Variants in KLHL12 observed in about 807,000 individuals in gnomAD.
KLHL12 encodes the protein kelch-like protein 12.
Under a neutral mutation model 60.8 loss-of-function variants are expected in KLHL12, and 17 were observed. The observed-to-expected ratio is 0.28, with a 90% CI of 0.19 to 0.42. The LOEUF is 0.42. Ranked by LOEUF, KLHL12 falls within the 10% of genes least tolerant of loss-of-function variation. The pLI is 1.00. For missense variants in KLHL12, 468 were observed against 722.3 expected (o/e 0.65, Z 4.04); for synonymous variants, 220 against 250.9 (o/e 0.88, Z 1.16).
chr1:202,912,630 C>A lies in KLHL12; in HGVS notation c.568-1427G>T. 1.5e-6 allele frequency: 2 copies of A among 1,344,336 alleles called. 1 individual carries two copies. Among genetic ancestry groups the A allele is most frequent in the South Asian group, 2.3e-5 (2 of 85,956 alleles). 83.3% of individuals were successfully genotyped at this position (1,344,336 alleles called of 1,614,324 possible). On this transcript the variant is annotated intron_variant, in intron 4 of 11. Coordinates refer to ENST00000367261, the MANE Select transcript of KLHL12 (RefSeq NM_021633.4). ...AACTTTGGAGGCAGAAGCTCTGGGC[C>A]CCTATGGCGGTGGAGGCCAATACTC...
chr1:202,900,994 C>T (rs888752797), intron 6 of KLHL12, among the ~76,000 whole-genome samples: 5 of 151,702 alleles, frequency 3.3e-5, no homozygotes, highest in African/African-American at 1.2e-4. Context: ...TGCAGTGAGC[C>T]GAGATCATGC....
At chr1:202,921,330 A>G (rs943537366) in intron 2 of KLHL12, among the ~76,000 whole-genome samples, 2 of 152,020 alleles carry the variant, frequency 1.3e-5, no homozygotes, top group Non-Finnish European at 2.9e-5. Flanking sequence ...ACATGCCACC[A>G]TGCCTGGCTA....
At chr1:202,899,394 A>G (rs1293288761) in intron 6 of KLHL12, among the ~76,000 whole-genome samples, 1 of 152,058 alleles carries the variant, frequency 6.6e-6, no homozygotes, top group Non-Finnish European at 1.5e-5. Flanking sequence ...TATGTTTGAG[A>G]TTTTTCTTAA....
At chr1:202,923,807 C>T (rs1004447714) in intron 2 of KLHL12, among the ~76,000 whole-genome samples, 3 of 151,198 alleles carry the variant, frequency 2.0e-5, no homozygotes, top group Admixed American at 6.6e-5. Context: ...ACAGAATACG[C>T]CTCTCCCATT....
At chr1:202,919,304 G>A (rs1255253060) in intron 3 of KLHL12, among the ~76,000 whole-genome samples, 2 of 152,110 alleles carry the variant, frequency 1.3e-5, no homozygotes, top group African/African-American at 2.4e-5. Flanking sequence ...CAAACCACCT[G>A]TAATCCTGTG....
rs1659795698 is a variant in KLHL12, at chr1:202,895,222, T to C, written c.1135+300A>G. On this transcript the variant is annotated intron_variant, in intron 8 of 11. Coordinates refer to ENST00000367261, the MANE Select transcript of KLHL12 (RefSeq NM_021633.4). This position sits in a 1 kb window ranked among gnomAD's most constrained non-coding sequence, Gnocchi z 4.2. ...GCCTGGGCAACATGGCGAAACCCCATCTCTACTAAAAATACAAAAATATAG... is the reference window on the plus strand; with the variant it reads ...GCCTGGGCAACATGGCGAAACCCCACCTCTACTAAAAATACAAAAATATAG... Among the ~76,000 whole-genome samples, 1 of 151,958 alleles carries C rather than the reference T, an allele frequency of 6.6e-6. No individual in the cohort carries two copies. Among genetic ancestry groups the C allele is most frequent in the African/African-American group, 2.4e-5 (1 of 41,346 alleles).
chr1:202,903,629 C>CTTTTTTTTTT (rs1220119536), intron 6 of KLHL12, among the ~76,000 whole-genome samples: 5 of 76,088 alleles, frequency 6.6e-5, no homozygotes, highest in Admixed American at 2.1e-4. Context: ...TTTTTCTTTT[C>CTTTTTTTTTT]TTTTTTTTTT....
In KLHL12 at chr1:202,901,978, C is replaced by T. The variant is rs979243032; in HGVS notation, c.833-5018G>A. Among the ~76,000 whole-genome samples, 6 of 152,106 alleles carry T rather than the reference C, an allele frequency of 3.9e-5. No individual in the cohort carries two copies. In the South Asian group the frequency reaches 1.2e-3, roughly 32 times the overall value. On this transcript the variant is annotated intron_variant, in intron 6 of 11. Coordinates refer to ENST00000367261, the MANE Select transcript of KLHL12 (RefSeq NM_021633.4). ...GTTGAAAAGAATTGAAAAGTATTTT[C>T]CTTGTGATTATAAAACATATAATAT...
chr1:202,920,864 A>G (rs1219838853), intron 2 of KLHL12, among the ~76,000 whole-genome samples: 1 of 152,216 alleles, frequency 6.6e-6, no homozygotes, highest in Admixed American at 6.5e-5. Flanking sequence ...ATAGAATGCA[A>G]AAGTTCCATG....
chr1:202,926,038 G>A (rs575301485), intron 1 of KLHL12, among the ~76,000 whole-genome samples: 175 of 150,826 alleles, frequency 1.2e-3, no homozygotes, highest in Middle Eastern at 3.4e-3. Flanking sequence ...CCAGGAGGTG[G>A]AGGTTGCAGT....
At chr1:202,901,542 T>A (rs540197420) in intron 6 of KLHL12, among the ~76,000 whole-genome samples, 8 of 151,966 alleles carry the variant, frequency 5.3e-5, no homozygotes, top group Non-Finnish European at 1.0e-4. Context: ...ACTCAAGCGA[T>A]GCTTCTGCTT....
upstream of KLHL12, among the ~76,000 whole-genome samples, chr1:202,928,294 A>C (rs1653715368): frequency 6.6e-6 from 1 of 151,812 alleles, no homozygotes; most frequent in Non-Finnish European, 1.5e-5. Context: ...AAAAAGAAAA[A>C]AGAAAAAAAA....
At chr1:202,898,924 G>A (rs1353263860) in intron 6 of KLHL12, among the ~76,000 whole-genome samples, 1 of 150,498 alleles carries the variant, frequency 6.6e-6, no homozygotes, top group Non-Finnish European at 1.5e-5. Flanking sequence ...AGTGATAATG[G>A]CATTCTAGAT....
chr1:202,922,530 A>G (rs1660727182), intron 2 of KLHL12, among the ~76,000 whole-genome samples: 1 of 150,492 alleles, frequency 6.6e-6, no homozygotes, highest in Non-Finnish European at 1.5e-5. Context: ...TCTGTCACCC[A>G]GGCTGGAGTG....
At chr1:202,918,412 C>A (rs754734043) in intron 3 of KLHL12, 24 bp from the exon 4 acceptor site, 13 of 1,569,900 alleles carry the variant, frequency 8.3e-6, no homozygotes, top group Non-Finnish European at 1.1e-5. Context: ...AGGCAGCAAA[C>A]ACTTTAGAAT....
chr1:202,927,416 C>T (rs922949894), upstream of KLHL12, among the ~76,000 whole-genome samples: 2 of 151,184 alleles, frequency 1.3e-5, no homozygotes, highest in African/African-American at 4.9e-5. Context: ...GGAATGGTGG[C>T]TCACGCCTAT....
intron 6 of KLHL12, among the ~76,000 whole-genome samples, chr1:202,897,228 C>CTTTT (rs11305071): frequency 2.7e-4 from 22 of 82,248 alleles, no homozygotes; most frequent in East Asian, 7.1e-4. Flanking sequence ...ATTTCTTTTT[C>CTTTT]TTTTTTTTTT....
chr1:202,911,809 G>A (rs966866432), intron 4 of KLHL12: 18 of 722,832 alleles, frequency 2.5e-5, no homozygotes, highest in African/African-American at 8.8e-5. Flanking sequence ...CCTCCCTGCC[G>A]TCATGTCTAA....
chr1:202,898,445 G>C (rs900175782), intron 6 of KLHL12, among the ~76,000 whole-genome samples: 1 of 152,166 alleles, frequency 6.6e-6, no homozygotes, highest in Non-Finnish European at 1.5e-5. Context: ...ATCATCAATT[G>C]CTGGGCTAGA....
Sources: gnomAD v4.1 joint callset for allele counts (sites outside exome capture counted in the v4.1 genomes callset) on GRCh38, gnomAD v4.1.1 for gene constraint, Gnocchi (gnomAD v3.1) non-coding constraint, MANE v1.5 for transcripts, NCBI Gene and HGNC (gene_info 2026-07-23, HGNC 2026-07-21) for gene names.